Variants in CCDC57 observed in about 807,000 individuals in gnomAD.
CCDC57 encodes the protein coiled-coil domain containing 57.
CCDC57 carries 118 observed loss-of-function variants against 118.9 expected under a neutral mutation model. The ratio of observed to expected loss-of-function variants is 0.99; its 90% confidence interval spans 0.86 to 1.16. The LOEUF is 1.16. Among genes scored for constraint, CCDC57 ranks in the 50% most tolerant of loss-of-function variants. The probability of loss-of-function intolerance (pLI) is 0.00; values close to 1 mark genes in which losing one functional copy is unlikely to be tolerated. For synonymous variants in CCDC57, 527 were observed against 532.9 expected, an observed-to-expected ratio of 0.99 and a Z score of 0.15; for missense variants, 1,300 against 1,320.7, an observed-to-expected ratio of 0.98 and a Z score of 0.24.
exon 6 of CCDC57, chr17:82,194,004 G>T (rs1311522480): frequency 1.2e-6 from 2 of 1,611,908 alleles, no homozygotes; most frequent in African/African-American, 2.7e-5. Context: ...ATGGCCTCCA[G>T]GTCCTGGAGC....
At chr17:82,150,041 T>C (rs71375074) in intron 16 of CCDC57, among the ~76,000 whole-genome samples, 28,036 of 54,338 alleles carry the variant, frequency 0.52, 6,689 homozygotes, top group East Asian at 0.87. Context: ...ACACCCAGAA[T>C]GTGACCCCCA....
chr17:82,127,143 G>C, intron 19 of CCDC57: 1 of 985,456 alleles, frequency 1.0e-6, no homozygotes, highest in Non-Finnish European at 1.2e-6. Flanking sequence ...CTATGACTTA[G>C]GTGCAGAGAA....
chr17:82,150,338 C>T (rs2041771922), intron 16 of CCDC57, among the ~76,000 whole-genome samples: 1 of 147,272 alleles, frequency 6.8e-6, no homozygotes, highest in Non-Finnish European at 1.5e-5. Flanking sequence ...ACCTGACCCG[C>T]ACCCAGAACC....
rs746425037 is a variant in CCDC57 at position 82,157,921 on chromosome 17, C to T, written c.2068G>A (p.Ala690Thr). Residue 690 changes from alanine to threonine, a missense_variant, in exon 15 of 20, where the codon GCT becomes ACT. Physicochemically the swap from Ala to Thr is moderately conservative, Grantham distance 58. Coordinates refer to ENST00000665763, the Ensembl canonical transcript of CCDC57. Reference sequence around the variant, plus strand: ...TCACGGGGAAGCTCACGCTGGAGAGCGGCCGGCTCCAGGGGTTCCCGCAGC... The same window carrying T: ...TCACGGGGAAGCTCACGCTGGAGAGTGGCCGGCTCCAGGGGTTCCCGCAGC... 62 of 1,559,288 alleles carry T rather than the reference C, an allele frequency of 4.0e-5. No individual in the cohort carries two copies. Among genetic ancestry groups the T allele is most frequent in the Middle Eastern group, 1.7e-4 (1 of 5,940 alleles).
chr17:82,128,594 C>T lies in CCDC57; in HGVS notation c.2581G>A (p.Ala861Thr), dbSNP rs191866438. 175 of 1,559,182 alleles carry T rather than the reference C, an allele frequency of 1.1e-4. No individual in the cohort carries two copies. The Admixed American group carries it at 1.4e-3, about 13-fold the overall frequency. The stretch of plus-strand genomic sequence containing the variant: ...GGAGCCTCATCCTCGGCACTCTTGG[C>T]GTCCTGCCGTGGGGATTTAAATGAG... Residue 861 changes from alanine (A) to threonine (T), a missense_variant, in exon 18 of 20, where the codon GCC becomes ACC. Ala to Thr is a moderately conservative substitution (Grantham distance 58). Transcript: ENST00000665763.
chr17:82,186,288 T>C (rs750477009), intron 8 of CCDC57, among the ~76,000 whole-genome samples: 3 of 152,162 alleles, frequency 2.0e-5, no homozygotes, highest in Non-Finnish European at 2.9e-5. Flanking sequence ...CAAAGAGTAT[T>C]TACGGACAGA....
intron 15 of CCDC57, chr17:82,157,038 C>G (rs1316620112): frequency 6.5e-6 from 1 of 152,978 alleles, no homozygotes; most frequent in Non-Finnish European, 1.5e-5. Flanking sequence ...ACAGTTATCC[C>G]AGTTACCAAC....
intron 14 of CCDC57, 97 bp from the exon 14 acceptor site, chr17:82,158,045 A>T: frequency 6.8e-7 from 1 of 1,462,546 alleles, no homozygotes; most frequent in Non-Finnish European, 9.0e-7. Flanking sequence ...GTGCCGGGAA[A>T]GAACGGGGAG....
At chr17:82,103,410 C>CTT (rs1046719079) in intron 19 of CCDC57, among the ~76,000 whole-genome samples, 20 of 152,138 alleles carry the variant, frequency 1.3e-4, no homozygotes, top group African/African-American at 4.8e-4. Flanking sequence ...GGCTACCACC[C>CTT]TTTATCTCTC....
intron 19 of CCDC57, among the ~76,000 whole-genome samples, chr17:82,114,882 AG>A (rs2035650295): frequency 1.3e-5 from 2 of 152,272 alleles, no homozygotes; most frequent in East Asian, 3.8e-4. Flanking sequence ...TAAAAAGAAC[AG>A]GATTTCCAGC....
intron 16 of CCDC57, among the ~76,000 whole-genome samples, chr17:82,143,102 T>C (rs1364101517): frequency 6.6e-6 from 1 of 151,406 alleles, no homozygotes; most frequent in Non-Finnish European, 1.5e-5. Flanking sequence ...GCGGAGGTTG[T>C]AGATCGCGCC....
chr17:82,195,913 G>A (rs765574378), intron 4 of CCDC57, among the ~76,000 whole-genome samples: 2 of 152,168 alleles, frequency 1.3e-5, no homozygotes, highest in Non-Finnish European at 2.9e-5. Flanking sequence ...AAGCTGCCAC[G>A]TTAAAACGTC....
intron 14 of CCDC57, among the ~76,000 whole-genome samples, chr17:82,159,803 C>G: frequency 6.6e-6 from 1 of 151,746 alleles, no homozygotes; most frequent in East Asian, 1.9e-4. Context: ...TCCCGAGTAG[C>G]TGGGATTACA....
exon 5 of CCDC57, chr17:82,195,361 G>T (rs369582408): frequency 5.7e-6 from 9 of 1,587,718 alleles, no homozygotes; most frequent in Non-Finnish European, 6.0e-6. Flanking sequence ...TCCAGCAGCA[G>T]TTCCTGGAAC....
At chr17:82,188,191 C>G (rs1298817775) in intron 8 of CCDC57, 28 bp downstream of exon 7, 1 of 1,523,404 alleles carries the variant, frequency 6.6e-7, no homozygotes, top group Admixed American at 2.0e-5. Context: ...TGCCCTCACC[C>G]TCTGGGTGGA....
intron 13 of CCDC57, among the ~76,000 whole-genome samples, chr17:82,164,411 C>T (rs1036237395): frequency 5.3e-5 from 8 of 151,508 alleles, no homozygotes; most frequent in East Asian, 1.9e-4. Context: ...AACAAAAAAA[C>T]GCCAAATAAA....
In CCDC57 at chr17:82,146,940, C is replaced by T. The variant is rs28479315; in HGVS notation, c.2455+4620G>A. ...AAATGCACGTGCACACACACAGTCT[C>T]GTCTCGGGAAGTGCTAGGATTACAG... On this transcript the variant is annotated intron_variant, in intron 16 of 19. Transcript: ENST00000665763. 6.0e-3 allele frequency among the ~76,000 whole-genome samples: 907 copies of T among 152,350 alleles called. 5 individuals are homozygous for T. The highest frequency in any genetic ancestry group is 0.018 in the African/African-American group (755 of 41,574).
chr17:82,193,781 T>C, exon 7 of CCDC57: 1 of 1,601,282 alleles, frequency 6.2e-7, no homozygotes, highest in Non-Finnish European at 8.5e-7. Flanking sequence ...TCCTCTTCCT[T>C]CTTCCTGGTT....
At chr17:82,120,174 A>ATT (rs34212153) in intron 19 of CCDC57, among the ~76,000 whole-genome samples, 8 of 149,004 alleles carry the variant, frequency 5.4e-5, no homozygotes, top group Admixed American at 6.7e-5. Context: ...TATTATTATT[A>ATT]TTTTTTTTTT....
Sources: allele counts gnomAD v4.1 joint callset (sites outside exome capture counted in the v4.1 genomes callset), GRCh38; gene constraint gnomAD v4.1.1; transcripts MANE v1.5; gene names NCBI Gene and HGNC (gene_info 2026-07-23, HGNC 2026-07-21).